The following LMO3 variants were observed in gnomAD, a reference collection of about 807,000 sequenced individuals.
The protein encoded by LMO3 is LIM domain only protein 3.
LMO3 carries 2 observed loss-of-function variants against 15.8 expected under a neutral mutation model. That is an observed-to-expected ratio of 0.13 (90% CI 0.05 to 0.40). The LOEUF is 0.40. LMO3 is among the 10% of genes least tolerant of loss of function. The probability of loss-of-function intolerance (pLI) is 0.99; values close to 1 mark genes in which losing one functional copy is unlikely to be tolerated. For synonymous variants in LMO3, 62 were observed against 63.8 expected (o/e 0.97, Z 0.13); for missense variants, 86 against 182.2 (o/e 0.47, Z 3.04).
chr12:16,554,233 A>G (rs1942101259), intron 3 of LMO3, among the ~76,000 whole-genome samples: 1 of 152,218 alleles, frequency 6.6e-6, no homozygotes, highest in African/African-American at 2.4e-5. Flanking sequence ...TAAGCAGGTT[A>G]TCAAAAGCCT....
Position 16,603,103 on chromosome 12 carries a change from G to A in LMO3, c.-8-2235C>T, listed in dbSNP as rs1182978075. 2.0e-5 allele frequency among the ~76,000 whole-genome samples: 3 copies of A among 152,202 alleles called. No homozygotes were observed. The highest frequency in any genetic ancestry group is 4.4e-5 in the Non-Finnish European group (3 of 68,010). On this transcript the variant is annotated intron_variant, in intron 1 of 3. Transcript: ENST00000537304. The surrounding 1 kb of genome is among the most constrained non-coding windows in gnomAD (Gnocchi z 4.9). The stretch of plus-strand genomic sequence containing the variant: ...TTCAAAATGCTTTGCAACCAAGACA[G>A]GGGATACCAACATTTGGCACAAGTA...
intron 2 of LMO3, among the ~76,000 whole-genome samples, chr12:16,563,099 G>T (rs923646882): frequency 1.3e-5 from 2 of 152,152 alleles, no homozygotes; most frequent in African/African-American, 4.8e-5. Context: ...TCTACACCTG[G>T]ACTCTGATAT....
At chr12:16,594,270 G>A (rs1049228220) in intron 2 of LMO3, 2 of 1,523,728 alleles carry the variant, frequency 1.3e-6, no homozygotes, top group East Asian at 2.5e-5. Context: ...TGCTTAACAA[G>A]AGGAAGTGCC....
chr12:16,554,428 G>A (rs1942109015), intron 3 of LMO3, among the ~76,000 whole-genome samples: 1 of 152,088 alleles, frequency 6.6e-6, no homozygotes, highest in Non-Finnish European at 1.5e-5. Context: ...TCAGTTAACT[G>A]TAAGTTAGAG....
chr12:16,596,094 GA>G lies in LMO3; in HGVS notation c.206+4560del, dbSNP rs781369145. ...AAAGCTGACCTTACATAAAAATTTAGAAGCACCAGGTTTGATCAGCGTGAGA... is the reference window on the plus strand; with the variant it reads ...AAAGCTGACCTTACATAAAAATTTAGAGCACCAGGTTTGATCAGCGTGAGA... On this transcript the variant is annotated intron_variant, in intron 2 of 3. Coordinates refer to ENST00000537304, the MANE Select transcript of LMO3 (RefSeq NM_018640.5). This position sits in a 1 kb window ranked among gnomAD's most constrained non-coding sequence, Gnocchi z 4.3. Among the ~76,000 whole-genome samples, 28 of 151,488 alleles carry G rather than the reference GA, an allele frequency of 1.8e-4. No homozygotes were observed. Among genetic ancestry groups the G allele is most frequent in the Admixed American group, 4.6e-4 (7 of 15,192 alleles).
At chr12:16,601,931 A>G (rs1332306740) in intron 1 of LMO3, 1 of 152,204 alleles carries the variant, frequency 6.6e-6, no homozygotes, top group African/African-American at 2.4e-5. Context: ...CCAATGCCTC[A>G]TATTTATCAA....
At chr12:16,568,870 A>T (rs1942711020) in intron 2 of LMO3, among the ~76,000 whole-genome samples, 1 of 152,182 alleles carries the variant, frequency 6.6e-6, no homozygotes, top group Non-Finnish European at 1.5e-5. Context: ...AAAATTTTCT[A>T]ACTGAAATCC....
In LMO3 at chr12:16,586,913, C is replaced by T. The variant is rs572124727; in HGVS notation, c.206+13742G>A. ...GTCTCATCTAAATTCATGGAATTCT[C>T]CCCTCTAATAATAGAGTCATGTGAT... On this transcript the variant is annotated intron_variant, in intron 2 of 3. Coordinates refer to ENST00000537304, the MANE Select transcript of LMO3 (RefSeq NM_018640.5). The surrounding 1 kb of genome is among the most constrained non-coding windows in gnomAD (Gnocchi z 4.3). 8.5e-5 allele frequency among the ~76,000 whole-genome samples: 13 copies of T among 152,250 alleles called. No individual in the cohort carries two copies. Among genetic ancestry groups the T allele is most frequent in the African/African-American group, 2.9e-4 (12 of 41,560 alleles).
chr12:16,605,173 C>T, intron 1 of LMO3: 6 of 1,366,444 alleles, frequency 4.4e-6, no homozygotes, highest in Non-Finnish European at 5.7e-6. Flanking sequence ...TTCCCTAACT[C>T]TGCCCGTAAT....
chr12:16,604,756 T>A lies in LMO3; in HGVS notation c.-9+1310A>T. ...TTCAAAGCAGTTACAACAATAATAT[T>A]TCGGTTCTTTCAGAAAGACACAAAA... On this transcript the variant is annotated intron_variant, in intron 1 of 3. Transcript: ENST00000537304. This position sits in a 1 kb window ranked among gnomAD's most constrained non-coding sequence, Gnocchi z 5.3. 2 of 1,193,218 alleles carry A rather than the reference T, an allele frequency of 1.7e-6. No individual in the cohort carries two copies. The highest frequency in any genetic ancestry group is 2.4e-6 in the Non-Finnish European group (2 of 818,576). The allele number at this position is 1,193,218 out of a possible 1,614,324, so 73.9% of individuals were successfully genotyped here.
intron 1 of LMO3, 144 bp downstream of exon 1, chr12:16,605,922 G>C (rs1247984046): frequency 1.6e-6 from 2 of 1,220,984 alleles, no homozygotes; most frequent in Admixed American, 2.0e-5. Context: ...TTGCAGTGCG[G>C]AGCTGGGTTG....
Position 16,560,513 on chromosome 12 carries a change from C to A in LMO3, c.232G>T (p.Ala78Ser), listed in dbSNP as rs1300711639. The change falls in exon 3 of 4, where the codon GCT becomes TCT. Residue 78 changes from alanine (A) to serine (S), a missense_variant. Transcript: ENST00000537304. This position sits in a 1 kb window ranked among gnomAD's most constrained non-coding sequence, Gnocchi z 5.0. ...LRLFGVTGNC[A>S]ACSKLIPAFE... is the part of the protein sequence containing the mutation. Reference sequence around the variant, plus strand: ...GCAGGGATGAGCTTACTACAGGCAGCGCAGTTTCCCGTTACACCAAAGAGC... The same window carrying A: ...GCAGGGATGAGCTTACTACAGGCAGAGCAGTTTCCCGTTACACCAAAGAGC... 6 of 1,613,022 alleles carry A rather than the reference C, an allele frequency of 3.7e-6. No individual in the cohort carries two copies. The highest frequency in any genetic ancestry group is 5.1e-6 in the Non-Finnish European group (6 of 1,179,588).
chr12:16,565,913 A>G (rs1050921719), intron 2 of LMO3, among the ~76,000 whole-genome samples: 17 of 145,452 alleles, frequency 1.2e-4, no homozygotes, highest in African/African-American at 3.8e-4. Flanking sequence ...TTACAGCACT[A>G]TTTACAATAG....
rs1046091729 is a variant in LMO3 at position 16,548,387 on chromosome 12, T to C, written c.*2835A>G. 1 of 152,202 alleles carries C rather than the reference T, an allele frequency of 6.6e-6. No homozygotes were observed. The highest frequency in any genetic ancestry group is 2.4e-5 in the African/African-American group (1 of 41,458). 9.4% of individuals were successfully genotyped at this position (152,202 alleles called of 1,614,324 possible). On this transcript the variant is annotated 3_prime_UTR_variant, in exon 4 of 4. Coordinates refer to ENST00000537304, the MANE Select transcript of LMO3 (RefSeq NM_018640.5). The surrounding 1 kb of genome is among the most constrained non-coding windows in gnomAD (Gnocchi z 4.2). Reference sequence around the variant, plus strand: ...TGCAATCAAATAGTGTAACACCCCTTTTATTAAAAACATAAATCCAAATGT... The same window carrying C: ...TGCAATCAAATAGTGTAACACCCCTCTTATTAAAAACATAAATCCAAATGT...
intron 1 of LMO3, 193 bp downstream of exon 1, chr12:16,605,873 A>G: frequency 1.3e-6 from 2 of 1,508,600 alleles, no homozygotes; most frequent in Non-Finnish European, 1.8e-6. Flanking sequence ...ACATGATTTA[A>G]ACAAAACCGT....
At position 16,604,900 on chromosome 12, in the gene LMO3, A is replaced by G. The variant is rs1943937553; in HGVS notation, c.-9+1166T>C. The G allele has an allele frequency of 6.3e-7, 1 of 1,598,376 alleles. No individual in the cohort carries two copies. Among genetic ancestry groups the G allele is most frequent in the African/African-American group, 1.3e-5 (1 of 74,936 alleles). ...CTCCTTTTTCTGCATGAGTTGACTT[A>G]GGCGTGTCTGAGTTGCAGCAGCTTC... On this transcript the variant is annotated intron_variant, in intron 1 of 3. Coordinates refer to ENST00000537304, the MANE Select transcript of LMO3 (RefSeq NM_018640.5). The surrounding 1 kb of genome is among the most constrained non-coding windows in gnomAD (Gnocchi z 5.3).
At position 16,580,438 on chromosome 12, in the gene LMO3, C is replaced by G. The variant is rs1204593555; in HGVS notation, c.207-19900G>C. ...TAATAAGTGAATGTCATGAAAATGA[C>G]AATGTTCAAGATTAAGAGAAACTTC... On this transcript the variant is annotated intron_variant, in intron 2 of 3. Transcript: ENST00000537304. Among the ~76,000 whole-genome samples, 4 of 152,250 alleles carry G rather than the reference C, an allele frequency of 2.6e-5. No individual in the cohort carries two copies. The East Asian group carries it at 7.7e-4, about 29-fold the overall frequency.
chr12:16,604,899 TAGG>T lies in LMO3; in HGVS notation c.-9+1164_-9+1166del. 6.3e-7 allele frequency: 1 copy of T among 1,598,466 alleles called. No individual in the cohort carries two copies. Among genetic ancestry groups the T allele is most frequent in the Non-Finnish European group, 8.5e-7 (1 of 1,179,800 alleles). ...TCTCCTTTTTCTGCATGAGTTGACT[TAGG>T]CGTGTCTGAGTTGCAGCAGCTTCGC... On this transcript the variant is annotated intron_variant, in intron 1 of 3. Coordinates refer to ENST00000537304, the MANE Select transcript of LMO3 (RefSeq NM_018640.5). The surrounding 1 kb of genome is among the most constrained non-coding windows in gnomAD (Gnocchi z 5.3).
chr12:16,568,022 T>G (rs1942677016), intron 2 of LMO3, among the ~76,000 whole-genome samples: 1 of 152,190 alleles, frequency 6.6e-6, no homozygotes, highest in South Asian at 2.1e-4. Context: ...TTTAACTGTT[T>G]GATTTTTTGG....
Sources: gnomAD v4.1 joint callset for allele counts (sites outside exome capture counted in the v4.1 genomes callset) on GRCh38, gnomAD v4.1.1 for gene constraint, Gnocchi (gnomAD v3.1) non-coding constraint, MANE v1.5 for transcripts, NCBI Gene and HGNC (gene_info 2026-07-23, HGNC 2026-07-21) for gene names.